ADO: variants seen among roughly 807,000 people sequenced by gnomAD.
The protein encoded by ADO is 2-aminoethanethiol dioxygenase.
A neutral mutation model predicts 16.6 loss-of-function variants in ADO; 9 were observed. The observed-to-expected ratio is 0.54, with a 90% CI of 0.33 to 0.95. The LOEUF is 0.95. Ranked by LOEUF, ADO falls within the 40% of genes least tolerant of loss-of-function variation. The pLI, the probability that ADO is intolerant of heterozygous loss-of-function variation, is 0.03. For missense variants in ADO, 356 were observed against 386.4 expected (o/e 0.92, Z 0.66); for synonymous variants, 189 against 179.6 (o/e 1.05, Z -0.42).
chr10:62,804,969 C>T lies in ADO; in HGVS notation c.-91C>T, dbSNP rs1425607334. Reference sequence around the variant, plus strand: ...GGTTGCGGGGCCTCCCGCCTCGACCCGGGCTGGGGGCAGCCGTGGCGGCCG... The same window carrying T: ...GGTTGCGGGGCCTCCCGCCTCGACCTGGGCTGGGGGCAGCCGTGGCGGCCG... On this transcript the variant is annotated 5_prime_UTR_variant, in exon 1 of 1. Coordinates refer to ENST00000373783, the MANE Select transcript of ADO (RefSeq NM_032804.6). 6.6e-6 allele frequency: 8 copies of T among 1,217,714 alleles called. No homozygotes were observed. The highest frequency in any genetic ancestry group is 7.3e-6 in the Non-Finnish European group (7 of 956,380). The allele number at this position is 1,217,714 out of a possible 1,614,324, so 75.4% of individuals were successfully genotyped here.
Position 62,806,923 on chromosome 10 carries a change from C to T in ADO, c.*1051C>T, listed in dbSNP as rs1476663559. On this transcript the variant is annotated 3_prime_UTR_variant, in exon 1 of 1. Coordinates refer to ENST00000373783, the MANE Select transcript of ADO (RefSeq NM_032804.6). Reference sequence around the variant, plus strand: ...CTCAGGAACTTTAATGTTCCCGACTCGGGTGATTCCAGCTGTGTTGCTGGC... The same window carrying T: ...CTCAGGAACTTTAATGTTCCCGACTTGGGTGATTCCAGCTGTGTTGCTGGC... The T allele has an allele frequency of 1.8e-5, 3 of 167,216 alleles. No homozygotes were observed. The highest frequency in any genetic ancestry group is 7.2e-5 in the African/African-American group (3 of 41,446). 10.4% of individuals were successfully genotyped at this position (167,216 alleles called of 1,614,324 possible).
At position 62,804,953 on chromosome 10, in the gene ADO, G is replaced by A; in HGVS notation, c.-107G>A. On this transcript the variant is annotated 5_prime_UTR_variant, in exon 1 of 1. Transcript: ENST00000373783. ...CGCCCGACGGGCCGGTGGTTGCGGG[G>A]CCTCCCGCCTCGACCCGGGCTGGGG... 2 of 1,087,080 alleles carry A rather than the reference G, an allele frequency of 1.8e-6. No individual in the cohort carries two copies. Among genetic ancestry groups the A allele is most frequent in the East Asian group, 3.3e-5 (1 of 30,654 alleles). The allele number at this position is 1,087,080 out of a possible 1,614,324, so 67.3% of individuals were successfully genotyped here.
chr10:62,804,921 T>A lies in ADO; in HGVS notation c.-139T>A. The A allele has an allele frequency of 2.6e-6, 2 of 779,692 alleles. No homozygotes were observed. The highest frequency in any genetic ancestry group is 3.4e-6 in the Non-Finnish European group (2 of 580,066). 48.3% of individuals were successfully genotyped at this position (779,692 alleles called of 1,614,324 possible). ...GCGTGGCTGCTGAGGTTGGCGGCGGTGCCGCGCGCCCGACGGGCCGGTGGT... is the reference window on the plus strand; with the variant it reads ...GCGTGGCTGCTGAGGTTGGCGGCGGAGCCGCGCGCCCGACGGGCCGGTGGT... On this transcript the variant is annotated 5_prime_UTR_variant, in exon 1 of 1. Coordinates refer to ENST00000373783, the MANE Select transcript of ADO (RefSeq NM_032804.6).
Position 62,805,379 on chromosome 10 carries a change from C to A in ADO, c.320C>A (p.Thr107Lys). The stretch of plus-strand genomic sequence containing the variant: ...GGCGTGTTCCTGCTCAAGAGCGGCA[C>A]GTCCATCCCGCTGCACGACCACCCG... ...SLGVFLLKSG[T>K]SIPLHDHPGM... Residue 107 changes from threonine to lysine, a missense_variant, in exon 1 of 1, where the codon ACG (threonine) becomes AAG (lysine). Physicochemically the swap from Thr to Lys is moderately conservative, Grantham distance 78. Transcript: ENST00000373783. The surrounding 1 kb of genome is among the most constrained non-coding windows in gnomAD (Gnocchi z 6.4). 2 of 1,596,742 alleles carry A rather than the reference C, an allele frequency of 1.3e-6. No homozygotes were observed. The highest frequency in any genetic ancestry group is 1.7e-6 in the Non-Finnish European group (2 of 1,175,136).
Position 62,805,582 on chromosome 10 carries a change from G to T in ADO, c.523G>T (p.Glu175Ter). The T allele has an allele frequency of 6.3e-7, 1 of 1,579,704 alleles. No homozygotes were observed. Reference sequence around the variant, plus strand: ...GCCGGGCGTGCTGCGTTCGCGGGCCGAGTACACCGAGGCCAGCGGCCCCTG... The same window carrying T: ...GCCGGGCGTGCTGCGTTCGCGGGCCTAGTACACCGAGGCCAGCGGCCCCTG... ...VRPGVLRSRAEYTEASGPCIL... is the reference protein window; with the variant it reads ...VRPGVLRSRA The change falls in exon 1 of 1, where the codon GAG becomes TAG. Residue 175 changes from glutamate to a stop codon, truncating the protein, a stop_gained. Coordinates refer to ENST00000373783, the MANE Select transcript of ADO (RefSeq NM_032804.6). LOFTEE classifies it high-confidence loss of function. The surrounding 1 kb of genome is among the most constrained non-coding windows in gnomAD (Gnocchi z 6.4).
In ADO at chr10:62,805,236, C is replaced by A. The variant is rs1394142924; in HGVS notation, c.177C>A (p.Thr59=). The A allele has an allele frequency of 6.2e-7, 1 of 1,603,946 alleles. No individual in the cohort carries two copies. Among genetic ancestry groups the A allele is most frequent in the East Asian group, 2.2e-5 (1 of 44,574 alleles). ...TGAGCAAGCTGAAGAGCCTCCTGAC[C>A]CAGCTCCGCGCCGAGGACTTGAACA... The part of the protein sequence containing the change: ...ENLSKLKSLL[T]QLRAEDLNIA... Residue 59 remains threonine (T), a synonymous_variant, in exon 1 of 1, where the codon ACC becomes ACA. Coordinates refer to ENST00000373783, the MANE Select transcript of ADO (RefSeq NM_032804.6). The surrounding 1 kb of genome is among the most constrained non-coding windows in gnomAD (Gnocchi z 6.4).
Position 62,804,766 on chromosome 10 carries a change from C to T in ADO, c.-294C>T, listed in dbSNP as rs764612485. ...GGTGCGGGCCGCATGAATGGAGCGCCGGGCGTAAGGCAAAGCCTGGCACCG... is the reference window on the plus strand; with the variant it reads ...GGTGCGGGCCGCATGAATGGAGCGCTGGGCGTAAGGCAAAGCCTGGCACCG... On this transcript the variant is annotated 5_prime_UTR_variant, in exon 1 of 1. Transcript: ENST00000373783. 6.2e-4 allele frequency: 137 copies of T among 221,340 alleles called. No individual in the cohort carries two copies. The highest frequency in any genetic ancestry group is 1.0e-3 in the Non-Finnish European group (120 of 114,290). 13.7% of individuals were successfully genotyped at this position (221,340 alleles called of 1,614,324 possible). A position where few individuals can be genotyped will look rare whatever the true frequency, so the allele number is the denominator to read the frequency against.
At position 62,805,116 on chromosome 10, in the gene ADO, C is replaced by T. The variant is rs1169092350; in HGVS notation, c.57C>T (p.Leu19=). 6.5e-7 allele frequency: 1 copy of T among 1,546,722 alleles called. No individual in the cohort carries two copies. The highest frequency in any genetic ancestry group is 8.7e-7 in the Non-Finnish European group (1 of 1,152,578). Residue 19 remains leucine, a synonymous_variant, in exon 1 of 1, where the codon CTC becomes CTT. Transcript: ENST00000373783. The surrounding 1 kb of genome is among the most constrained non-coding windows in gnomAD (Gnocchi z 6.4). ...AACGGATCGCCCGCCAGGCTTGCCT[C>T]ACCTTCCGGGGCAGCGGGGGCGGCC... ...LIQRIARQAC[L]TFRGSGGGRG... is the part of the protein sequence containing the mutation.
chr10:62,805,605 C>G lies in ADO; in HGVS notation c.546C>G (p.Pro182=). The change falls in exon 1 of 1, where the codon CCC becomes CCG. Residue 182 remains proline, a synonymous_variant. Transcript: ENST00000373783. This position sits in a 1 kb window ranked among gnomAD's most constrained non-coding sequence, Gnocchi z 6.4. ...SRAEYTEASG[P]CILTPHRDNL... ...CCGAGTACACCGAGGCCAGCGGCCC[C>G]TGCATCCTCACACCGCACCGGGACA... The G allele has an allele frequency of 6.3e-7, 1 of 1,598,008 alleles. No homozygotes were observed.
rs377430884 is a variant in ADO at position 62,805,102 on chromosome 10, C to T, written c.43C>T (p.Arg15Cys). 2 of 1,532,246 alleles carry T rather than the reference C, an allele frequency of 1.3e-6. No homozygotes were observed. Among genetic ancestry groups the T allele is most frequent in the East Asian group, 2.3e-5 (1 of 43,692 alleles). The allele number at this position is 1,532,246 out of a possible 1,614,324, so 94.9% of individuals were successfully genotyped here. A position where few individuals can be genotyped will look rare whatever the true frequency, so the allele number is the denominator to read the frequency against. ...NMASLIQRIA[R>C]QACLTFRGSG... ...GGCCTCCTTGATCCAACGGATCGCC[C>T]GCCAGGCTTGCCTCACCTTCCGGGG... The change falls in exon 1 of 1, where the codon CGC becomes TGC. Residue 15 changes from arginine to cysteine, a missense_variant. Transcript: ENST00000373783. This position sits in a 1 kb window ranked among gnomAD's most constrained non-coding sequence, Gnocchi z 6.4.
rs1842034670 is a variant in ADO at position 62,805,103 on chromosome 10, G to T, written c.44G>T (p.Arg15Leu). ...GCCTCCTTGATCCAACGGATCGCCC[G>T]CCAGGCTTGCCTCACCTTCCGGGGC... ...NMASLIQRIA[R>L]QACLTFRGSG... Residue 15 changes from arginine to leucine, a missense_variant, in exon 1 of 1, where the codon CGC becomes CTC. Transcript: ENST00000373783. This position sits in a 1 kb window ranked among gnomAD's most constrained non-coding sequence, Gnocchi z 6.4. 1 of 1,529,546 alleles carries T rather than the reference G, an allele frequency of 6.5e-7. No homozygotes were observed. The highest frequency in any genetic ancestry group is 8.7e-7 in the Non-Finnish European group (1 of 1,144,534). 94.7% of individuals were successfully genotyped at this position (1,529,546 alleles called of 1,614,324 possible). A position where few individuals can be genotyped will look rare whatever the true frequency, so the allele number is the denominator to read the frequency against.
At position 62,807,921 on chromosome 10, in the gene ADO, A is replaced by G. The variant is rs1842068992; in HGVS notation, c.*2049A>G. The G allele has an allele frequency of 1.2e-5, 2 of 167,174 alleles. No homozygotes were observed. Among genetic ancestry groups the G allele is most frequent in the Admixed American group, 1.3e-4 (2 of 15,290 alleles). The allele number at this position is 167,174 out of a possible 1,614,324, so 10.4% of individuals were successfully genotyped here. A position where few individuals can be genotyped will look rare whatever the true frequency, so the allele number is the denominator to read the frequency against. Reference sequence around the variant, plus strand: ...TAGCTTACCAAGATTATTAATAGCAATGTATGTGTTATAATACAACTTAGT... The same window carrying G: ...TAGCTTACCAAGATTATTAATAGCAGTGTATGTGTTATAATACAACTTAGT... On this transcript the variant is annotated 3_prime_UTR_variant, in exon 1 of 1. Coordinates refer to ENST00000373783, the MANE Select transcript of ADO (RefSeq NM_032804.6).
At position 62,804,955 on chromosome 10, in the gene ADO, C is replaced by T; in HGVS notation, c.-105C>T. On this transcript the variant is annotated 5_prime_UTR_variant, in exon 1 of 1. Coordinates refer to ENST00000373783, the MANE Select transcript of ADO (RefSeq NM_032804.6). ...CCCGACGGGCCGGTGGTTGCGGGGCCTCCCGCCTCGACCCGGGCTGGGGGC... is the reference window on the plus strand; with the variant it reads ...CCCGACGGGCCGGTGGTTGCGGGGCTTCCCGCCTCGACCCGGGCTGGGGGC... 1 of 1,134,562 alleles carries T rather than the reference C, an allele frequency of 8.8e-7. No homozygotes were observed. The highest frequency in any genetic ancestry group is 1.1e-6 in the Non-Finnish European group (1 of 887,084). 70.3% of individuals were successfully genotyped at this position (1,134,562 alleles called of 1,614,324 possible). A position where few individuals can be genotyped will look rare whatever the true frequency, so the allele number is the denominator to read the frequency against.
rs1019688957 is a variant in ADO at position 62,806,900 on chromosome 10, C to G, written c.*1028C>G. 1 of 167,214 alleles carries G rather than the reference C, an allele frequency of 6.0e-6. No homozygotes were observed. Among genetic ancestry groups the G allele is most frequent in the African/African-American group, 2.4e-5 (1 of 41,446 alleles). The allele number at this position is 167,214 out of a possible 1,614,324, so 10.4% of individuals were successfully genotyped here. A position where few individuals can be genotyped will look rare whatever the true frequency, so the allele number is the denominator to read the frequency against. On this transcript the variant is annotated 3_prime_UTR_variant, in exon 1 of 1. Transcript: ENST00000373783. The stretch of plus-strand genomic sequence containing the variant: ...TGTTGATAGTTGTTTCATATTCTCT[C>G]AGGAACTTTAATGTTCCCGACTCGG...
At position 62,807,959 on chromosome 10, in the gene ADO, C is replaced by T. The variant is rs562897878; in HGVS notation, c.*2087C>T. The T allele has an allele frequency of 1.2e-5, 2 of 166,842 alleles. No individual in the cohort carries two copies. Among genetic ancestry groups the T allele is most frequent in the African/African-American group, 4.8e-5 (2 of 41,470 alleles). The allele number at this position is 166,842 out of a possible 1,614,324, so 10.3% of individuals were successfully genotyped here. Reference sequence around the variant, plus strand: ...AATACAACTTAGTACATTAAAGCTACGAAAACTCATCCTGGCTGTAGGATA... The same window carrying T: ...AATACAACTTAGTACATTAAAGCTATGAAAACTCATCCTGGCTGTAGGATA... On this transcript the variant is annotated 3_prime_UTR_variant, in exon 1 of 1. Coordinates refer to ENST00000373783, the MANE Select transcript of ADO (RefSeq NM_032804.6).
chr10:62,808,416 T>C lies in ADO; in HGVS notation c.*2544T>C, dbSNP rs919475960. 2 of 167,290 alleles carry C rather than the reference T, an allele frequency of 1.2e-5. No individual in the cohort carries two copies. Among genetic ancestry groups the C allele is most frequent in the African/African-American group, 4.8e-5 (2 of 41,484 alleles). The allele number at this position is 167,290 out of a possible 1,614,324, so 10.4% of individuals were successfully genotyped here. On this transcript the variant is annotated 3_prime_UTR_variant, in exon 1 of 1. Coordinates refer to ENST00000373783, the MANE Select transcript of ADO (RefSeq NM_032804.6). ...GTTATCTTCCCCTTGGAAAGACTAATGAGCACAATGATATTAATCACTTTT... is the reference window on the plus strand; with the variant it reads ...GTTATCTTCCCCTTGGAAAGACTAACGAGCACAATGATATTAATCACTTTT...
Position 62,804,950 on chromosome 10 carries a change from G to T in ADO, c.-110G>T. 1 of 1,065,106 alleles carries T rather than the reference G, an allele frequency of 9.4e-7. No individual in the cohort carries two copies. The highest frequency in any genetic ancestry group is 1.2e-6 in the Non-Finnish European group (1 of 829,328). 66.0% of individuals were successfully genotyped at this position (1,065,106 alleles called of 1,614,324 possible). On this transcript the variant is annotated 5_prime_UTR_variant, in exon 1 of 1. Transcript: ENST00000373783. ...GCGCGCCCGACGGGCCGGTGGTTGC[G>T]GGGCCTCCCGCCTCGACCCGGGCTG... is the stretch of plus-strand genomic sequence containing the variant.
rs1842068013 is a variant in ADO, at chr10:62,807,810, G to T, written c.*1938G>T. 1 of 167,006 alleles carries T rather than the reference G, an allele frequency of 6.0e-6. No individual in the cohort carries two copies. 10.3% of individuals were successfully genotyped at this position (167,006 alleles called of 1,614,324 possible). On this transcript the variant is annotated 3_prime_UTR_variant, in exon 1 of 1. Transcript: ENST00000373783. ...TCTTAGAAAACTTCACAAAATAAAA[G>T]ATCTTGTTTTTTTTTCCATAGCACA... is the stretch of plus-strand genomic sequence containing the variant.
chr10:62,805,626 G>T lies in ADO; in HGVS notation c.567G>T (p.Arg189=), dbSNP rs745971223. 1.7e-5 allele frequency: 27 copies of T among 1,606,302 alleles called. No individual in the cohort carries two copies. In the East Asian group the frequency reaches 5.2e-4, roughly 31 times the overall value. The change falls in exon 1 of 1, where the codon CGG becomes CGT. Residue 189 remains arginine (R), a synonymous_variant. Transcript: ENST00000373783. This position sits in a 1 kb window ranked among gnomAD's most constrained non-coding sequence, Gnocchi z 6.4. ...GCCCCTGCATCCTCACACCGCACCG[G>T]GACAACCTGCACCAGATCGACGCCG... ...ASGPCILTPH[R]DNLHQIDAVE... is the part of the protein sequence containing the mutation.
Sources: allele counts gnomAD v4.1 joint callset, GRCh38; gene constraint gnomAD v4.1.1; non-coding constraint Gnocchi (gnomAD v3.1); transcripts MANE v1.5; gene names NCBI Gene and HGNC (gene_info 2026-07-23, HGNC 2026-07-21).